Variants in CUBN observed in about 807,000 individuals in gnomAD.
CUBN encodes cubilin, also known as 460 kDa receptor.
In CUBN, 282 loss-of-function variants were observed where a neutral mutation model predicts 405.3. The observed-to-expected ratio is 0.70, with a 90% CI of 0.63 to 0.77. The LOEUF (loss-of-function observed/expected upper bound fraction) is 0.77. Among genes scored for constraint, CUBN ranks in the 30% least tolerant of loss-of-function variants. The pLI is 0.00. For missense variants in CUBN, 4,514 were observed against 4,475.2 expected, an observed-to-expected ratio of 1.01 and a Z score of -0.25; for synonymous variants, 1,684 against 1,617.0, an observed-to-expected ratio of 1.04 and a Z score of -0.99.
intron 8 of CUBN, among the ~76,000 whole-genome samples, chr10:17,112,329 A>G (rs995973764): frequency 1.3e-5 from 2 of 152,118 alleles, no homozygotes; most frequent in African/African-American, 4.8e-5. Flanking sequence ...TCTGTGTGAT[A>G]AGATCAAAGG....
At chr10:16,826,199 G>C (rs1382651513) in intron 66 of CUBN, among the ~76,000 whole-genome samples, 2 of 152,084 alleles carry the variant, frequency 1.3e-5, no homozygotes, top group Non-Finnish European at 2.9e-5. Flanking sequence ...CCAAATCAGG[G>C]TTTGTGTTTA....
At chr10:17,030,068 G>A (rs1024252145) in intron 27 of CUBN, among the ~76,000 whole-genome samples, 2 of 152,178 alleles carry the variant, frequency 1.3e-5, no homozygotes, top group Non-Finnish European at 2.9e-5. Context: ...TCTAGGTTGC[G>A]TGCTCCTTAT....
Position 16,928,230 on chromosome 10 carries a change from T to G in CUBN, c.6198A>C (p.Gly2066=), listed in dbSNP as rs753063223. Residue 2066 remains glycine (G), a synonymous_variant, in exon 41 of 67, where the codon GGA becomes GGC. Transcript: ENST00000377833. ...AGGTGAAGCGGATGAACATGTACTCTCCAGTAGACCGGATGGGCCCAGGGA... is the reference window on the plus strand; with the variant it reads ...AGGTGAAGCGGATGAACATGTACTCGCCAGTAGACCGGATGGGCCCAGGGA... The part of the protein sequence containing the change: ...REIPGPIRST[G]EYMFIRFTSD... The G allele has an allele frequency of 2.9e-5, 47 of 1,613,852 alleles. No homozygotes were observed. The Middle Eastern group carries it at 4.9e-4, about 17-fold the overall frequency.
intron 22 of CUBN, among the ~76,000 whole-genome samples, chr10:17,062,934 G>A (rs1835532595): frequency 6.6e-6 from 1 of 152,206 alleles, no homozygotes. Context: ...TTATTCTGCA[G>A]AAAATATCCA....
chr10:16,981,205 A>ACACACACACAC (rs1554804644), intron 31 of CUBN, among the ~76,000 whole-genome samples: 3 of 152,174 alleles, frequency 2.0e-5, no homozygotes, highest in South Asian at 2.1e-4. Flanking sequence ...ACACACACAG[A>ACACACACACAC]AGAGAGAAGT....
rs778093091 is a variant in CUBN at position 16,903,988 on chromosome 10, G to A, written c.8040C>T (p.Phe2680=). Residue 2680 remains phenylalanine (F), a synonymous_variant, in exon 51 of 67, where the codon TTC becomes TTT. Coordinates refer to ENST00000377833, the MANE Select transcript of CUBN (RefSeq NM_001081.4). ...VTNERVEHIG[F]HAKYSFTDCG... ...TACCTGTAAAGGAATACTTTGCATG[G>A]AATCCAATGTGTTCTACACGTTCGT... is the stretch of plus-strand genomic sequence containing the variant. The A allele has an allele frequency of 2.1e-5, 34 of 1,610,494 alleles. No homozygotes were observed. Among genetic ancestry groups the A allele is most frequent in the Non-Finnish European group, 2.9e-5 (34 of 1,177,566 alleles).
At chr10:16,827,029 T>C (rs1838804450) in intron 66 of CUBN, among the ~76,000 whole-genome samples, 1 of 152,240 alleles carries the variant, frequency 6.6e-6, no homozygotes, top group South Asian at 2.1e-4. Context: ...TCTCTCTCTC[T>C]GTGGGCCTTC....
intron 15 of CUBN, 21 bp downstream of exon 15, chr10:17,088,143 T>C: frequency 5.0e-6 from 8 of 1,587,114 alleles, no homozygotes; most frequent in Non-Finnish European, 6.9e-6. Context: ...TGATATGTTC[T>C]ATCTAAATAT....
At chr10:16,940,849 C>T (rs1454721311) in intron 36 of CUBN, among the ~76,000 whole-genome samples, 1 of 152,084 alleles carries the variant, frequency 6.6e-6, no homozygotes, top group South Asian at 2.1e-4. Context: ...ATGATGGGAT[C>T]ATTTAGGTGG....
chr10:16,990,194 C>G (rs753916162), intron 29 of CUBN, 140 bp downstream of exon 29: 1 of 850,080 alleles, frequency 1.2e-6, no homozygotes, highest in South Asian at 1.4e-5. Context: ...ACCAAATGAT[C>G]ACCGAAGGGC....
At position 16,947,221 on chromosome 10, in the gene CUBN, A is replaced by G. The variant is rs367727286; in HGVS notation, c.5342+14T>C. 7 of 1,613,178 alleles carry G rather than the reference A, an allele frequency of 4.3e-6. No individual in the cohort carries two copies. Among genetic ancestry groups the G allele is most frequent in the Non-Finnish European group, 5.1e-6 (6 of 1,179,288 alleles). ...CATTAGCACTGAAACAATACACCAT[A>G]AAAAAGGATTTACATAAAAGACAGC... On this transcript the variant is annotated intron_variant, in intron 36 of 66. Coordinates refer to ENST00000377833, the MANE Select transcript of CUBN (RefSeq NM_001081.4).
intron 54 of CUBN, among the ~76,000 whole-genome samples, chr10:16,893,395 CGTGTGTGTGTGTGTGT>C (rs34859798): frequency 1.3e-5 from 2 of 150,396 alleles, no homozygotes; most frequent in African/African-American, 2.5e-5. Flanking sequence ...TACTTGAACT[CGTGTGTGTGTGTGTGT>C]GTGTGTGTGT....
chr10:16,949,945 T>C (rs906013719), intron 34 of CUBN, 56 bp downstream of exon 34: 10 of 1,275,496 alleles, frequency 7.8e-6, no homozygotes, highest in Non-Finnish European at 1.1e-5. Context: ...AATATGCGGA[T>C]CTATAAATAA....
intron 10 of CUBN, among the ~76,000 whole-genome samples, chr10:17,106,599 A>G (rs1341766456): frequency 2.5e-5 from 1 of 39,360 alleles, no homozygotes; most frequent in African/African-American, 1.2e-4. Context: ...CGCCATCTCA[A>G]AAAAAAAAAA....
chr10:17,115,635 CT>C (rs1564521402), intron 6 of CUBN, 38 bp from the exon 7 acceptor site: 2 of 1,612,874 alleles, frequency 1.2e-6, no homozygotes, highest in South Asian at 2.2e-5. Flanking sequence ...AGGGCACGCG[CT>C]TTGGGGCCAG....
At chr10:16,932,346 C>T (rs1309658287) in intron 40 of CUBN, among the ~76,000 whole-genome samples, 5 of 152,198 alleles carry the variant, frequency 3.3e-5, no homozygotes, top group African/African-American at 1.2e-4. Context: ...GGGGGCCACA[C>T]TGAGAAATAC....
intron 10 of CUBN, among the ~76,000 whole-genome samples, chr10:17,106,180 G>A (rs1836625397): frequency 6.6e-6 from 1 of 152,038 alleles, no homozygotes; most frequent in Non-Finnish European, 1.5e-5. Flanking sequence ...AGCTACTTGG[G>A]AGGGTGAGGC....
rs115888073 is a variant in CUBN at position 16,877,035 on chromosome 10, C to T, written c.8968G>A (p.Val2990Ile). The T allele has an allele frequency of 4.8e-4, 772 of 1,614,114 alleles. 4 individuals are homozygous for T. The African/African-American group carries it at 6.2e-3, about 13-fold the overall frequency. ...DGVHIIRGYSVMSTPFATVCG... is the reference protein window; with the variant it reads ...DGVHIIRGYSIMSTPFATVCG... ...ACAGTAGCAAATGGGGTGGACATGACGCTGTAACCTCTGATAATGTGCACG... is the reference window on the plus strand; with the variant it reads ...ACAGTAGCAAATGGGGTGGACATGATGCTGTAACCTCTGATAATGTGCACG... The change falls in exon 57 of 67, where the codon GTC (valine) becomes ATC (isoleucine). Residue 2990 changes from valine to isoleucine, a missense_variant. Around this residue, in one of 5 missense-constraint regions of CUBN, gnomAD observed 1,186 missense variants for 1,186.9 expected, o/e 1.00. Transcript: ENST00000377833.
At chr10:17,043,220 T>C (rs1835053691) in intron 26 of CUBN, among the ~76,000 whole-genome samples, 2 of 152,214 alleles carry the variant, frequency 1.3e-5, no homozygotes, top group South Asian at 4.1e-4. Flanking sequence ...CTTGACATTT[T>C]GCTCAGTGTT....
Sources: allele counts gnomAD v4.1 joint callset (sites outside exome capture counted in the v4.1 genomes callset), GRCh38; gene constraint gnomAD v4.1.1; regional missense constraint gnomAD v4.1.1; transcripts MANE v1.5; gene names NCBI Gene and HGNC (gene_info 2026-07-23, HGNC 2026-07-21).